The following SCUBE1 variants were observed in gnomAD, a reference collection of about 807,000 sequenced individuals.
The protein encoded by SCUBE1 is signal peptide, CUB domain and EGF like domain containing 1.
In SCUBE1, 59 loss-of-function variants were observed where a neutral mutation model predicts 124.4. The ratio of observed to expected loss-of-function variants is 0.47; its 90% CI spans 0.38 to 0.59. The LOEUF is 0.59. SCUBE1 is among the 20% of genes least tolerant of loss of function. SCUBE1 has a pLI of 0.00. For missense variants in SCUBE1, 1,150 were observed against 1,371.2 expected (o/e 0.84, Z 2.55); for synonymous variants, 545 against 550.9 (o/e 0.99, Z 0.15).
At chr22:43,214,747 C>T (rs67137445) in intron 15 of SCUBE1, among the ~76,000 whole-genome samples, 16,281 of 152,146 alleles carry the variant, frequency 0.11, 1,251 homozygotes, top group South Asian at 0.28. Context: ...AGGGGCGTAG[C>T]GAGGAGATGA....
intron 14 of SCUBE1, among the ~76,000 whole-genome samples, chr22:43,219,186 T>C (rs1310757475): frequency 6.6e-6 from 1 of 152,158 alleles, no homozygotes; most frequent in Non-Finnish European, 1.5e-5. Context: ...AGGTCCCTCA[T>C]GAATGGCCTG....
chr22:43,339,923 A>T (rs1386824097), intron 1 of SCUBE1, among the ~76,000 whole-genome samples: 3 of 6,356 alleles, frequency 4.7e-4, no homozygotes, highest in African/African-American at 3.4e-3. Flanking sequence ...TACCCCCCCA[A>T]CAAGCATAGC....
At chr22:43,295,777 G>A (rs1433073912) in intron 3 of SCUBE1, among the ~76,000 whole-genome samples, 4 of 152,174 alleles carry the variant, frequency 2.6e-5, no homozygotes, top group Non-Finnish European at 5.9e-5. Context: ...CACTCACTCC[G>A]TGAACACCAA....
At chr22:43,226,426 TG>T (rs139010) in intron 10 of SCUBE1, among the ~76,000 whole-genome samples, 3 of 151,294 alleles carry the variant, frequency 2.0e-5, no homozygotes, top group South Asian at 4.2e-4. Flanking sequence ...AGTGCTGGTG[TG>T]GGGGGGCCCT....
At chr22:43,319,915 A>G (rs767979625) in intron 3 of SCUBE1, 22 bp downstream of exon 3, 1 of 1,613,016 alleles carries the variant, frequency 6.2e-7, no homozygotes, top group South Asian at 1.1e-5. Context: ...CCCAGAGGGT[A>G]GGCTACAGCT....
intron 9 of SCUBE1, among the ~76,000 whole-genome samples, chr22:43,228,304 C>T (rs959684066): frequency 1.3e-5 from 2 of 152,182 alleles, no homozygotes; most frequent in African/African-American, 2.4e-5. Context: ...TAGAATCTTC[C>T]TCTTTGTTCC....
chr22:43,210,304 G>A lies in SCUBE1; in HGVS notation c.2384-64C>T. Reference sequence around the variant, plus strand: ...CTGGGCAGGGGCCCTGGCCGGCCAGGCCTCTAACCACCTGGGAGGCCTAGG... The same window carrying A: ...CTGGGCAGGGGCCCTGGCCGGCCAGACCTCTAACCACCTGGGAGGCCTAGG... On this transcript the variant is annotated intron_variant, in intron 18 of 21. Transcript: ENST00000360835. This position sits in a 1 kb window ranked among gnomAD's most constrained non-coding sequence, Gnocchi z 4.5. 1 of 1,405,870 alleles carries A rather than the reference G, an allele frequency of 7.1e-7. No homozygotes were observed. Among genetic ancestry groups the A allele is most frequent in the Non-Finnish European group, 9.4e-7 (1 of 1,064,618 alleles). 87.1% of individuals were successfully genotyped at this position (1,405,870 alleles called of 1,614,324 possible).
chr22:43,298,926 CCTGTAGTCCCAG>C (rs150174064), intron 3 of SCUBE1, among the ~76,000 whole-genome samples: 2,744 of 152,206 alleles, frequency 0.018, 95 homozygotes, highest in African/African-American at 0.064. Context: ...GTGGCGGGTG[CCTGTAGTCCCAG>C]CTGCTTGGGA....
intron 2 of SCUBE1, 134 bp from the exon 3 acceptor site, chr22:43,320,199 C>T (rs1601888596): frequency 1.9e-6 from 2 of 1,076,870 alleles, no homozygotes; most frequent in East Asian, 5.0e-5. Context: ...TCCCTGGGAG[C>T]TGAGGACTCA....
intron 4 of SCUBE1, among the ~76,000 whole-genome samples, chr22:43,274,762 A>G (rs537662656): frequency 6.6e-6 from 1 of 152,332 alleles, no homozygotes; most frequent in African/African-American, 2.4e-5. Flanking sequence ...CATGCCGCAG[A>G]AAGGAGCAGG....
At chr22:43,235,477 C>T (rs574335729) in intron 7 of SCUBE1, among the ~76,000 whole-genome samples, 13 of 152,096 alleles carry the variant, frequency 8.5e-5, no homozygotes, top group African/African-American at 3.1e-4. Flanking sequence ...GGCGGTCACT[C>T]GAGGGCACCA....
chr22:43,267,975 T>C (rs1924139702), intron 4 of SCUBE1, among the ~76,000 whole-genome samples: 1 of 152,224 alleles, frequency 6.6e-6, no homozygotes, highest in Non-Finnish European at 1.5e-5. Context: ...GGGATGGGCC[T>C]GGGCTCCAGA....
chr22:43,240,678 T>G (rs1319438317), intron 6 of SCUBE1, among the ~76,000 whole-genome samples: 1 of 151,954 alleles, frequency 6.6e-6, no homozygotes, highest in Non-Finnish European at 1.5e-5. Flanking sequence ...GAGGTGAGGG[T>G]CAAATCAACC....
chr22:43,217,033 G>A (rs190406086), intron 15 of SCUBE1, among the ~76,000 whole-genome samples: 2 of 14,114 alleles, frequency 1.4e-4, no homozygotes, highest in African/African-American at 6.6e-4. Context: ...TCCCCACCCC[G>A]CCAGGTGTCA....
At chr22:43,261,377 A>G (rs925363593) in intron 5 of SCUBE1, among the ~76,000 whole-genome samples, 3 of 152,224 alleles carry the variant, frequency 2.0e-5, no homozygotes, top group African/African-American at 4.8e-5. Flanking sequence ...AGGAACACAG[A>G]GAAAGGTGGT....
At chr22:43,329,059 G>A (rs1157059511) in intron 2 of SCUBE1, among the ~76,000 whole-genome samples, 2 of 152,234 alleles carry the variant, frequency 1.3e-5, no homozygotes, top group South Asian at 2.1e-4. Context: ...TGGGGCCTGC[G>A]GGCCTTGTGA....
intron 8 of SCUBE1, among the ~76,000 whole-genome samples, chr22:43,230,014 T>C (rs1356132542): frequency 6.6e-6 from 1 of 152,186 alleles, no homozygotes; most frequent in Non-Finnish European, 1.5e-5. Context: ...ATATTTGTAA[T>C]ATACGCGTAT....
At chr22:43,222,498 C>T (rs1338516918) in intron 12 of SCUBE1, 140 bp downstream of exon 12, 2 of 655,166 alleles carry the variant, frequency 3.1e-6, no homozygotes, top group Non-Finnish European at 5.1e-6. Flanking sequence ...GGCTCATCGC[C>T]AGCACCCCAG....
At chr22:43,235,845 C>G (rs1922738921) in intron 7 of SCUBE1, among the ~76,000 whole-genome samples, 1 of 152,098 alleles carries the variant, frequency 6.6e-6, no homozygotes, top group South Asian at 2.1e-4. Flanking sequence ...AAGATAACCA[C>G]CTCCCAACAC....
Sources: gnomAD v4.1 joint callset for allele counts (sites outside exome capture counted in the v4.1 genomes callset) on GRCh38, gnomAD v4.1.1 for gene constraint, Gnocchi (gnomAD v3.1) non-coding constraint, MANE v1.5 for transcripts, NCBI Gene and HGNC (gene_info 2026-07-23, HGNC 2026-07-21) for gene names.